KLHL2: variants seen among roughly 807,000 people sequenced by gnomAD.
KLHL2 encodes kelch-like protein 2.
KLHL2 carries 15 observed loss-of-function variants against 75.8 expected under a neutral mutation model. That is an observed-to-expected ratio of 0.20 (90% CI 0.13 to 0.30). KLHL2 has a LOEUF of 0.30. Ranked by LOEUF, KLHL2 falls within the 10% of genes least tolerant of loss-of-function variation. The probability of loss-of-function intolerance (pLI) is 1.00; values close to 1 mark genes in which losing one functional copy is unlikely to be tolerated. For missense variants in KLHL2, 381 were observed against 741.0 expected (o/e 0.51, Z 5.64); for synonymous variants, 214 against 251.9 (o/e 0.85, Z 1.42).
intron 5 of KLHL2, among the ~76,000 whole-genome samples, chr4:165,265,608 G>A (rs569638541): frequency 4.0e-5 from 6 of 151,556 alleles, no homozygotes; most frequent in East Asian, 1.9e-4. Context: ...CGAGCACAAC[G>A]TGATGGTTTC....
intron 4 of KLHL2, among the ~76,000 whole-genome samples, chr4:165,248,543 A>G (rs902108551): frequency 3.3e-5 from 5 of 152,210 alleles, no homozygotes; most frequent in Non-Finnish European, 7.3e-5. Context: ...GGAGAAAGGA[A>G]ATAGCAATGG....
At chr4:165,271,811 T>C (rs1742719614) in intron 5 of KLHL2, among the ~76,000 whole-genome samples, 1 of 152,218 alleles carries the variant, frequency 6.6e-6, no homozygotes. Flanking sequence ...TGGAAGCTTC[T>C]GTGTTCACTG....
intron 8 of KLHL2, among the ~76,000 whole-genome samples, chr4:165,301,554 C>A (rs1365635396): frequency 1.3e-5 from 2 of 152,152 alleles, no homozygotes; most frequent in Non-Finnish European, 2.9e-5. Flanking sequence ...CTTACACCTG[C>A]TTTTATAAGT....
At chr4:165,277,501 T>C (rs1743219479) in intron 5 of KLHL2, among the ~76,000 whole-genome samples, 1 of 152,206 alleles carries the variant, frequency 6.6e-6, no homozygotes, top group South Asian at 2.1e-4. Flanking sequence ...AAGAAGACTT[T>C]TGGGGTATCT....
Position 165,207,833 on chromosome 4 carries a change from T to C in KLHL2, c.-44T>C. On this transcript the variant is annotated 5_prime_UTR_variant, in exon 1 of 15. Coordinates refer to ENST00000226725, the MANE Select transcript of KLHL2 (RefSeq NM_007246.4). The surrounding 1 kb of genome is among the most constrained non-coding windows in gnomAD (Gnocchi z 4.2). Reference sequence around the variant, plus strand: ...CGTCCGCGGCTGGAATGGTGCTGGCTGTGTTGGTCGGTGCCTGCGTTCTGA... The same window carrying C: ...CGTCCGCGGCTGGAATGGTGCTGGCCGTGTTGGTCGGTGCCTGCGTTCTGA... 1 of 1,436,522 alleles carries C rather than the reference T, an allele frequency of 7.0e-7. No individual in the cohort carries two copies. The highest frequency in any genetic ancestry group is 9.2e-7 in the Non-Finnish European group (1 of 1,085,960). 89.0% of individuals were successfully genotyped at this position (1,436,522 alleles called of 1,614,324 possible). A position where few individuals can be genotyped will look rare whatever the true frequency, so the allele number is the denominator to read the frequency against.
chr4:165,263,218 C>T lies in KLHL2; in HGVS notation c.403C>T (p.Leu135Phe). 1 of 1,613,980 alleles carries T rather than the reference C, an allele frequency of 6.2e-7. No individual in the cohort carries two copies. The highest frequency in any genetic ancestry group is 8.5e-7 in the Non-Finnish European group (1 of 1,179,948). Reference sequence around the variant, plus strand: ...GCAGGTACTTCTCCCAGCAGCTGGTCTCTTACAGTTACAGGATGTGAAGAA... The same window carrying T: ...GCAGGTACTTCTCCCAGCAGCTGGTTTCTTACAGTTACAGGATGTGAAGAA... ...NVQVLLPAAG[L>F]LQLQDVKKTC... The change falls in exon 5 of 15, where the codon CTC becomes TTC. Residue 135 changes from leucine to phenylalanine, a missense_variant. Around this residue, in one of 5 missense-constraint regions of KLHL2, gnomAD observed 51 missense variants for 101.3 expected, o/e 0.50. Coordinates refer to ENST00000226725, the MANE Select transcript of KLHL2 (RefSeq NM_007246.4).
chr4:165,215,174 A>G (rs1388966972), intron 1 of KLHL2, among the ~76,000 whole-genome samples: 1 of 152,170 alleles, frequency 6.6e-6, no homozygotes, highest in Non-Finnish European at 1.5e-5. Flanking sequence ...TAACTGCAAA[A>G]ATTGAAATCA....
chr4:165,287,220 A>G (rs1455723721), intron 5 of KLHL2, among the ~76,000 whole-genome samples: 1 of 152,176 alleles, frequency 6.6e-6, no homozygotes, highest in African/African-American at 2.4e-5. Context: ...TGACTCCTTT[A>G]GATACCTCAT....
intron 5 of KLHL2, among the ~76,000 whole-genome samples, chr4:165,291,857 C>T (rs759542870): frequency 8.6e-5 from 13 of 151,916 alleles, no homozygotes; most frequent in Admixed American, 2.6e-4. Flanking sequence ...AGAGACAAGC[C>T]GTTACCCAGT....
At chr4:165,245,712 G>T (rs1167923055) in intron 4 of KLHL2, among the ~76,000 whole-genome samples, 2 of 152,066 alleles carry the variant, frequency 1.3e-5, no homozygotes, top group African/African-American at 4.8e-5. Flanking sequence ...ATTAGTTTAG[G>T]ACCGAATTGA....
At chr4:165,293,347 A>C (rs1438472401) in intron 5 of KLHL2, among the ~76,000 whole-genome samples, 2 of 152,194 alleles carry the variant, frequency 1.3e-5, no homozygotes, top group African/African-American at 4.8e-5. Flanking sequence ...TATTTGTGAA[A>C]TCAAGGGAAA....
chr4:165,215,331 A>G (rs1022376509), intron 1 of KLHL2, among the ~76,000 whole-genome samples: 1 of 152,182 alleles, frequency 6.6e-6, no homozygotes, highest in African/African-American at 2.4e-5. Flanking sequence ...TTTAGTTAAA[A>G]TGTTAGTTAT....
At chr4:165,268,888 G>A (rs28875275) in intron 5 of KLHL2, among the ~76,000 whole-genome samples, 13,598 of 152,060 alleles carry the variant, frequency 0.089, 642 homozygotes, top group Middle Eastern at 0.15. Flanking sequence ...CTTCTGTCTC[G>A]TTGATCTGTC....
chr4:165,225,100 T>G (rs996317005), intron 2 of KLHL2, among the ~76,000 whole-genome samples: 7 of 152,196 alleles, frequency 4.6e-5, no homozygotes, highest in African/African-American at 1.7e-4. Flanking sequence ...AGGACCAATT[T>G]TCATGATATA....
intron 5 of KLHL2, among the ~76,000 whole-genome samples, chr4:165,274,372 G>A (rs1742913900): frequency 6.6e-6 from 1 of 152,116 alleles, no homozygotes; most frequent in South Asian, 2.1e-4. Context: ...CACTTTGGGA[G>A]GCCGAGGCAG....
intron 2 of KLHL2, among the ~76,000 whole-genome samples, chr4:165,222,785 T>C (rs1164503232): frequency 6.6e-6 from 1 of 152,244 alleles, no homozygotes; most frequent in East Asian, 1.9e-4. Context: ...AAAGGGTAGC[T>C]GAGAGTGGTT....
At chr4:165,261,675 C>T (rs549904885) in intron 4 of KLHL2, among the ~76,000 whole-genome samples, 1 of 152,156 alleles carries the variant, frequency 6.6e-6, no homozygotes, top group African/African-American at 2.4e-5. Context: ...GGCCTTATGT[C>T]TGGATACTGT....
At chr4:165,311,410 GA>G (rs1263842479) in intron 10 of KLHL2, 53 bp from the exon 11 acceptor site, 1 of 1,270,240 alleles carries the variant, frequency 7.9e-7, no homozygotes, top group East Asian at 2.3e-5. Context: ...CCATATATAT[GA>G]ACTATTGACA....
chr4:165,253,965 G>A (rs920318821), intron 4 of KLHL2, among the ~76,000 whole-genome samples: 3 of 152,192 alleles, frequency 2.0e-5, no homozygotes, highest in African/African-American at 7.2e-5. Flanking sequence ...TCCAGATCCA[G>A]ATCCAGTGCT....
Sources: allele counts gnomAD v4.1 joint callset (sites outside exome capture counted in the v4.1 genomes callset), GRCh38; gene constraint gnomAD v4.1.1; regional missense constraint gnomAD v4.1.1; non-coding constraint Gnocchi (gnomAD v3.1); transcripts MANE v1.5; gene names NCBI Gene and HGNC (gene_info 2026-07-23, HGNC 2026-07-21).